Variants in AFG2A observed in about 807,000 individuals in gnomAD.
AFG2A encodes ATPase family gene 2 protein homolog A.
chr4:123,075,153 C>G, the AFG2A span, among the ~76,000 whole-genome samples: 4 of 151,218 alleles, frequency 2.6e-5, no homozygotes, highest in African/African-American at 9.7e-5. Flanking sequence ...ACCATGTTGG[C>G]CAGGCTGGTC....
the AFG2A span, among the ~76,000 whole-genome samples, chr4:123,282,638 G>A: frequency 6.6e-6 from 1 of 152,060 alleles, no homozygotes; most frequent in Admixed American, 6.6e-5. Flanking sequence ...GTCTGGATCA[G>A]CAAGGTCACA....
At chr4:123,182,945 G>T in the AFG2A span, among the ~76,000 whole-genome samples, 1 of 152,196 alleles carries the variant, frequency 6.6e-6, no homozygotes, top group African/African-American at 2.4e-5. Context: ...ACAGTTTAAG[G>T]GGGGAAGAAA....
chr4:123,254,227 A>G, the AFG2A span, among the ~76,000 whole-genome samples: 1 of 152,088 alleles, frequency 6.6e-6, no homozygotes, highest in African/African-American at 2.4e-5. Flanking sequence ...CAGTTTGTCC[A>G]TGTTTTTCTT....
the AFG2A span, among the ~76,000 whole-genome samples, chr4:123,164,558 A>G: frequency 1.3e-5 from 2 of 152,064 alleles, no homozygotes; most frequent in Non-Finnish European, 2.9e-5. Flanking sequence ...TTTAGTAGAG[A>G]TGGGGTTTCA....
chr4:123,312,777 G>A, the AFG2A span, among the ~76,000 whole-genome samples: 2 of 152,132 alleles, frequency 1.3e-5, no homozygotes, highest in Non-Finnish European at 1.5e-5. Context: ...TTACATTGTC[G>A]TAATTTGACA....
At chr4:123,074,303 C>T in the AFG2A span, among the ~76,000 whole-genome samples, 1 of 152,012 alleles carries the variant, frequency 6.6e-6, no homozygotes, top group South Asian at 2.1e-4. Context: ...AGCTGTTGGC[C>T]AGGCTGGTCT....
chr4:123,138,436 GCTTA>G, the AFG2A span, among the ~76,000 whole-genome samples: 16 of 152,030 alleles, frequency 1.1e-4, no homozygotes, highest in African/African-American at 3.9e-4. Context: ...TGTCATAAAA[GCTTA>G]CTATTTTCTC....
At chr4:123,089,670 C>G in the AFG2A span, among the ~76,000 whole-genome samples, 1 of 152,042 alleles carries the variant, frequency 6.6e-6, no homozygotes. Flanking sequence ...CTGCAACCTC[C>G]ACCTCCCAGG....
At chr4:123,115,129 G>C in the AFG2A span, among the ~76,000 whole-genome samples, 1 of 152,052 alleles carries the variant, frequency 6.6e-6, no homozygotes, top group African/African-American at 2.4e-5. Context: ...CCAGGCCATC[G>C]CTGGGCTGGG....
At chr4:123,195,932 A>G in the AFG2A span, among the ~76,000 whole-genome samples, 1 of 152,008 alleles carries the variant, frequency 6.6e-6, no homozygotes, top group Admixed American at 6.6e-5. Flanking sequence ...GCCAAATACA[A>G]TTAAGCCAAA....
the AFG2A span, among the ~76,000 whole-genome samples, chr4:123,061,130 A>G: frequency 6.6e-6 from 1 of 152,096 alleles, no homozygotes; most frequent in East Asian, 1.9e-4. Context: ...GGAAGTTCCA[A>G]ATTTTCCCAC....
chr4:122,999,781 G>T, the AFG2A span, among the ~76,000 whole-genome samples: 1 of 152,108 alleles, frequency 6.6e-6, no homozygotes, highest in South Asian at 2.1e-4. Flanking sequence ...GGATTGACTT[G>T]GCGATGCGGG....
chr4:123,112,712 TTC>T, the AFG2A span, among the ~76,000 whole-genome samples: 23 of 152,208 alleles, frequency 1.5e-4, no homozygotes, highest in African/African-American at 4.8e-4. Context: ...CATTTTTTTT[TTC>T]TGTTTCCAGA....
the AFG2A span, among the ~76,000 whole-genome samples, chr4:122,986,568 A>G: frequency 6.6e-6 from 1 of 152,144 alleles, no homozygotes; most frequent in Non-Finnish European, 1.5e-5. Context: ...AGTCATAAGA[A>G]TATAATGGAC....
the AFG2A span, among the ~76,000 whole-genome samples, chr4:123,089,364 C>T: frequency 5.3e-5 from 8 of 152,142 alleles, no homozygotes; most frequent in Admixed American, 2.0e-4. Flanking sequence ...TTCTACTTTA[C>T]GTCCTCTTCC....
At chr4:122,995,909 C>T in the AFG2A span, among the ~76,000 whole-genome samples, 270 of 152,290 alleles carry the variant, frequency 1.8e-3, 1 homozygote, top group Middle Eastern at 0.014. Context: ...GTAGGGTTAA[C>T]GTGGTTCTTT....
the AFG2A span, among the ~76,000 whole-genome samples, chr4:123,264,131 G>A: frequency 4.6e-5 from 7 of 152,156 alleles, no homozygotes; most frequent in Non-Finnish European, 8.8e-5. Flanking sequence ...AACATCTTAT[G>A]TTCTTACTCA....
the AFG2A span, among the ~76,000 whole-genome samples, chr4:123,258,350 T>G: frequency 6.6e-6 from 1 of 152,188 alleles, no homozygotes; most frequent in African/African-American, 2.4e-5. Context: ...AACAGGAGAT[T>G]TAGGAGACGT....
chr4:123,136,102 A>G, the AFG2A span, among the ~76,000 whole-genome samples: 3 of 152,220 alleles, frequency 2.0e-5, no homozygotes, highest in Non-Finnish European at 4.4e-5. Flanking sequence ...CTAATAATTT[A>G]ATCATTCTAG....
Sources: gnomAD v4.1 joint callset for allele counts (sites outside exome capture counted in the v4.1 genomes callset) on GRCh38, gnomAD v4.1.1 for gene constraint, MANE v1.5 for transcripts, NCBI Gene and HGNC (gene_info 2026-07-23, HGNC 2026-07-21) for gene names.